Variants in MAP3K8 observed in about 807,000 individuals in gnomAD.
The protein encoded by MAP3K8 is Ewing sarcoma transformant.
MAP3K8 carries 22 observed loss-of-function variants against 45.8 expected under a neutral mutation model. That is an observed-to-expected ratio of 0.48 (90% confidence interval 0.34 to 0.69). The LOEUF is 0.69. Ranked by LOEUF, MAP3K8 falls within the 30% of genes least tolerant of loss-of-function variation. MAP3K8 has a pLI of 0.01. For synonymous variants in MAP3K8, 223 were observed against 214.3 expected, an observed-to-expected ratio of 1.04 and a Z score of -0.36; for missense variants, 419 against 585.0, an observed-to-expected ratio of 0.72 and a Z score of 2.93.
intron 6 of MAP3K8, 126 bp from the exon 7 acceptor site, chr10:30,457,958 C>G (rs1836795436): frequency 1.3e-6 from 1 of 762,164 alleles, no homozygotes; most frequent in South Asian, 2.8e-5. Flanking sequence ...TGCATGGTTC[C>G]TGGGGAATGC....
chr10:30,459,140 T>C, intron 7 of MAP3K8, 115 bp from the exon 8 acceptor site: 1 of 1,117,290 alleles, frequency 9.0e-7, no homozygotes, highest in Non-Finnish European at 1.3e-6. Flanking sequence ...ACTGCATTCG[T>C]TGCAGGGCAT....
chr10:30,457,417 A>G (rs527680425), intron 6 of MAP3K8, among the ~76,000 whole-genome samples: 1 of 152,218 alleles, frequency 6.6e-6, no homozygotes, highest in Non-Finnish European at 1.5e-5. Flanking sequence ...ATAGACTTCT[A>G]TCACCTTTTA....
Position 30,461,512 on chromosome 10 carries a change from G to A in MAP3K8, c.*676G>A, listed in dbSNP as rs989794038. On this transcript the variant is annotated 3_prime_UTR_variant, in exon 9 of 9. Transcript: ENST00000263056. ...TGATGTTTTGAATGTGGATAAAACTGTGTAAACCACATAATTTTTGTACAT... is the reference window on the plus strand; with the variant it reads ...TGATGTTTTGAATGTGGATAAAACTATGTAAACCACATAATTTTTGTACAT... The A allele has an allele frequency of 1.0e-5, 2 of 194,550 alleles. No homozygotes were observed. Among genetic ancestry groups the A allele is most frequent in the Admixed American group, 6.1e-5 (1 of 16,388 alleles). 12.1% of individuals were successfully genotyped at this position (194,550 alleles called of 1,614,324 possible).
chr10:30,440,665 G>A (rs900879181), intron 3 of MAP3K8, among the ~76,000 whole-genome samples: 1 of 151,986 alleles, frequency 6.6e-6, no homozygotes, highest in African/African-American at 2.4e-5. Context: ...TGAACTAGAA[G>A]CCATATCTGA....
Sources: allele counts gnomAD v4.1 joint callset (sites outside exome capture counted in the v4.1 genomes callset), GRCh38; gene constraint gnomAD v4.1.1; transcripts MANE v1.5; gene names NCBI Gene and HGNC (gene_info 2026-07-23, HGNC 2026-07-21).